The following TENT5D variants were observed in gnomAD, a reference collection of about 807,000 sequenced individuals.
The protein encoded by TENT5D is cancer/testis antigen 112.
For missense variants in TENT5D, 191 were observed against 287.0 expected, an observed-to-expected ratio of 0.67 and a Z score of 2.42; for synonymous variants, 103 against 100.6, an observed-to-expected ratio of 1.02 and a Z score of -0.15.
rs1477870629 is a variant in TENT5D at position 80,366,480 on chromosome X, T to C, written c.-142+23916T>C. On this transcript the variant is annotated intron_variant, in intron 3 of 4. Coordinates refer to the TENT5D transcript ENST00000538312. Reference sequence around the variant, plus strand: ...AGTAAAAACAAGTTTTTGCCTGTTATCATTTTACTTATTAAAGAACTTTTT... The same window carrying C: ...AGTAAAAACAAGTTTTTGCCTGTTACCATTTTACTTATTAAAGAACTTTTT... Among the ~76,000 whole-genome samples the C allele has an allele frequency of 4.5e-5, 5 of 111,658 alleles. No homozygotes were observed. In the South Asian group the frequency reaches 1.1e-3, roughly 25 times the overall value.
chrX:80,409,562 C>G (rs1226828109), intron 3 of TENT5D, among the ~76,000 whole-genome samples: 5 of 110,109 alleles, frequency 4.5e-5, no homozygotes, highest in South Asian at 3.9e-4. Context: ...CCTCTTCAAG[C>G]AGAACTACAA....
rs1260310283 is a variant in TENT5D at position 80,407,655 on chromosome X, G to C, written c.-141-30955G>C. 7.4e-5 allele frequency among the ~76,000 whole-genome samples: 8 copies of C among 107,719 alleles called. No homozygotes were observed. The East Asian group carries it at 2.3e-3, about 31-fold the overall frequency. The allele number at this position is 107,719 out of a possible 115,157, so 93.5% of individuals were successfully genotyped here. On this transcript the variant is annotated intron_variant, in intron 3 of 4. Coordinates refer to the TENT5D transcript ENST00000538312. ...AGACTCCCACACAATAATAATGGGA[G>C]ACTTTAACACCCCACTGTCAACATT...
At chrX:80,434,557 G>T (rs749567437) in intron 1 of TENT5D, among the ~76,000 whole-genome samples, 1 of 111,592 alleles carries the variant, frequency 9.0e-6, no homozygotes, top group South Asian at 3.7e-4. Context: ...TTTTGGAAAT[G>T]ACCACATTCA....
chrX:80,428,254 G>C (rs1932020899), intron 1 of TENT5D, among the ~76,000 whole-genome samples: 1 of 111,852 alleles, frequency 8.9e-6, no homozygotes, highest in African/African-American at 3.3e-5. Context: ...TTGAGGAGGT[G>C]ATTGTCTGTT....
intron 3 of TENT5D, among the ~76,000 whole-genome samples, chrX:80,414,903 A>G (rs1386365891): frequency 9.0e-6 from 1 of 111,397 alleles, no homozygotes; most frequent in Non-Finnish European, 1.9e-5. Flanking sequence ...CTTTCTCACA[A>G]TATTGATTTT....
At chrX:80,398,286 A>G (rs1931325385) in intron 3 of TENT5D, among the ~76,000 whole-genome samples, 1 of 111,808 alleles carries the variant, frequency 8.9e-6, no homozygotes, top group African/African-American at 3.3e-5. Context: ...AGTTCATTAT[A>G]TATTCTGGAT....
rs1226451834 is a variant in TENT5D at position 80,424,349 on chromosome X, A to G, written c.-142+3786A>G. Among the ~76,000 whole-genome samples, 3 of 111,967 alleles carry G rather than the reference A, an allele frequency of 2.7e-5. No homozygotes were observed. The Admixed American group carries it at 2.8e-4, about 11-fold the overall frequency. The stretch of plus-strand genomic sequence containing the variant: ...AAGTGATGGCTAGTTATGCGTGTTA[A>G]GATTTGGGTTCATGGGGCTTGGCTT... On this transcript the variant is annotated intron_variant, in intron 1 of 2. Transcript: ENST00000308293.
intron 1 of TENT5D, among the ~76,000 whole-genome samples, chrX:80,422,056 G>A (rs766162444): frequency 7.5e-4 from 83 of 111,373 alleles, no homozygotes; most frequent in Non-Finnish European, 1.4e-3. Flanking sequence ...AAGGAGAAAG[G>A]TAGTAGTATC....
intron 3 of TENT5D, among the ~76,000 whole-genome samples, chrX:80,406,471 G>T (rs1190340820): frequency 1.9e-5 from 2 of 107,190 alleles, no homozygotes; most frequent in Non-Finnish European, 3.8e-5. Context: ...CTCAGGAGCC[G>T]ATGTGATCAA....
At chrX:80,422,813 A>G (rs1321334134) in intron 1 of TENT5D, among the ~76,000 whole-genome samples, 1 of 111,726 alleles carries the variant, frequency 9.0e-6, no homozygotes, top group Non-Finnish European at 1.9e-5. Flanking sequence ...ATAATTCTGG[A>G]GTCCCCTTCA....
intron 3 of TENT5D, among the ~76,000 whole-genome samples, chrX:80,344,577 T>C (rs888208842): frequency 9.0e-6 from 1 of 110,524 alleles, no homozygotes; most frequent in African/African-American, 3.3e-5. Context: ...TTTTTTCTTA[T>C]GCTTGTTGAT....
chrX:80,379,892 T>C (rs994319386), intron 3 of TENT5D, among the ~76,000 whole-genome samples: 6 of 109,020 alleles, frequency 5.5e-5, no homozygotes, highest in Admixed American at 3.0e-4. Flanking sequence ...ATTTTGTTGA[T>C]CTTTTCAAAA....
At chrX:80,385,103 C>T (rs368290168) in intron 3 of TENT5D, among the ~76,000 whole-genome samples, 2 of 111,208 alleles carry the variant, frequency 1.8e-5, no homozygotes, top group African/African-American at 6.5e-5. Context: ...AAAAAGAGCC[C>T]GCATTGCCAA....
intron 3 of TENT5D, among the ~76,000 whole-genome samples, chrX:80,383,728 C>T (rs1930927195): frequency 9.0e-6 from 1 of 111,061 alleles, no homozygotes; most frequent in Non-Finnish European, 1.9e-5. Flanking sequence ...TGGTGGTGGG[C>T]ACCTGTAGTC....
chrX:80,416,321 A>T (rs1192887659), upstream of TENT5D, among the ~76,000 whole-genome samples: 1 of 49,927 alleles, frequency 2.0e-5, no homozygotes, highest in Non-Finnish European at 3.7e-5. Flanking sequence ...TTATGGTATT[A>T]TCTTCTGCTG....
intron 2 of TENT5D, among the ~76,000 whole-genome samples, chrX:80,336,961 T>C (rs1463984158): frequency 8.9e-6 from 1 of 112,098 alleles, no homozygotes; most frequent in Non-Finnish European, 1.9e-5. Context: ...GTTTTTGTTT[T>C]TGTGAGTTCC....
At chrX:80,412,414 A>T (rs2147554654) in intron 3 of TENT5D, among the ~76,000 whole-genome samples, 1 of 112,822 alleles carries the variant, frequency 8.9e-6, no homozygotes, top group South Asian at 3.6e-4. Flanking sequence ...AAATTTCTGC[A>T]GCCGGCCTGA....
chrX:80,343,483 C>T (rs1930001162), intron 3 of TENT5D, among the ~76,000 whole-genome samples: 2 of 107,110 alleles, frequency 1.9e-5, no homozygotes, highest in Non-Finnish European at 3.9e-5. Context: ...CCGCAACCTC[C>T]GCCTCCTGGG....
intron 3 of TENT5D, among the ~76,000 whole-genome samples, chrX:80,372,919 G>A (rs1930653711): frequency 9.4e-6 from 1 of 106,238 alleles, no homozygotes; most frequent in Non-Finnish European, 1.9e-5. Context: ...TAGGTTGCTT[G>A]TTACTGTATT....
Sources: gnomAD v4.1 joint callset for allele counts (sites outside exome capture counted in the v4.1 genomes callset) on GRCh38, gnomAD v4.1.1 for gene constraint, MANE v1.5 for transcripts, NCBI Gene and HGNC (gene_info 2026-07-23, HGNC 2026-07-21) for gene names.